The following TINAG variants were observed in gnomAD, a reference collection of about 807,000 sequenced individuals.
The protein encoded by TINAG is tubulointerstitial nephritis antigen.
Under a neutral mutation model 72.7 loss-of-function variants are expected in TINAG, and 83 were observed. That is an observed-to-expected ratio of 1.14 (90% CI 0.96 to 1.37). The LOEUF (loss-of-function observed/expected upper bound fraction) is 1.37, where lower values mean the gene tolerates loss of function less well. TINAG is among the 40% of genes most tolerant of loss of function. The pLI, the probability that TINAG is intolerant of heterozygous loss-of-function variation, is 0.00. For missense variants in TINAG, 685 were observed against 576.6 expected, an observed-to-expected ratio of 1.19 and a Z score of -1.93; for synonymous variants, 234 against 189.9, an observed-to-expected ratio of 1.23 and a Z score of -1.91.
At chr6:54,310,286 T>C (rs951687288) in intron 1 of TINAG, among the ~76,000 whole-genome samples, 2 of 152,066 alleles carry the variant, frequency 1.3e-5, no homozygotes, top group African/African-American at 4.8e-5. Context: ...GGTCTTGCTA[T>C]GTTGCCTAGG....
At chr6:54,360,240 T>C (rs960178638) in intron 9 of TINAG, among the ~76,000 whole-genome samples, 38 of 148,776 alleles carry the variant, frequency 2.6e-4, no homozygotes, top group African/African-American at 4.2e-4. Context: ...ATTTCCCCCC[T>C]CTCTCTTCCC....
At position 54,366,112 on chromosome 6, in the gene TINAG, T is replaced by A. The variant is rs374652146; in HGVS notation, c.1250+11476T>A. 2.0e-4 allele frequency among the ~76,000 whole-genome samples: 31 copies of A among 151,782 alleles called. No individual in the cohort carries two copies. In the East Asian group the frequency reaches 5.4e-3, roughly 27 times the overall value. On this transcript the variant is annotated intron_variant, in intron 9 of 10. Transcript: ENST00000259782. ...TCTCACGAAATACAACCCTCATACT[T>A]TTAAAATCCTCATGAGGTGGGAATT...
chr6:54,347,027 T>C (rs534667019), intron 5 of TINAG, among the ~76,000 whole-genome samples: 16 of 152,194 alleles, frequency 1.1e-4, no homozygotes, highest in Admixed American at 6.5e-4. Context: ...GAAATAGAAA[T>C]ATAAGGAACA....
chr6:54,365,330 A>G (rs906712007), intron 9 of TINAG: 1 of 151,614 alleles, frequency 6.6e-6, no homozygotes, highest in African/African-American at 2.4e-5. Context: ...AGCCACTACC[A>G]CAAATAGACT....
At chr6:54,380,613 T>C in intron 10 of TINAG, 42 bp downstream of exon 10, 1 of 1,521,722 alleles carries the variant, frequency 6.6e-7, no homozygotes, top group Non-Finnish European at 9.1e-7. Context: ...GTGAAGTGAA[T>C]ATGTTCAAAT....
chr6:54,322,774 A>T (rs182612813), intron 3 of TINAG, among the ~76,000 whole-genome samples: 39 of 152,338 alleles, frequency 2.6e-4, no homozygotes, highest in Non-Finnish European at 7.3e-5. Flanking sequence ...ATTTTAGAAG[A>T]TAACTTGATG....
intron 9 of TINAG, among the ~76,000 whole-genome samples, chr6:54,369,158 G>A (rs1763528702): frequency 6.6e-6 from 1 of 151,856 alleles, no homozygotes; most frequent in Non-Finnish European, 1.5e-5. Context: ...TGTAAGGCTG[G>A]TGTTTGAAAA....
At chr6:54,309,413 C>T (rs765579753) in intron 1 of TINAG, among the ~76,000 whole-genome samples, 25 of 152,144 alleles carry the variant, frequency 1.6e-4, no homozygotes, top group Non-Finnish European at 2.8e-4. Flanking sequence ...TAAAGTCAGT[C>T]ACCCGCTCTG....
chr6:54,329,589 A>G (rs558509473), intron 4 of TINAG, among the ~76,000 whole-genome samples: 3 of 152,198 alleles, frequency 2.0e-5, no homozygotes, highest in Non-Finnish European at 4.4e-5. Flanking sequence ...AACAGCTAGC[A>G]TAATAATGTC....
chr6:54,321,549 CATT>C (rs1784491601), intron 3 of TINAG, among the ~76,000 whole-genome samples, 163 bp downstream of exon 3: 1 of 152,058 alleles, frequency 6.6e-6, no homozygotes, highest in African/African-American at 2.4e-5. Flanking sequence ...CAAAGGTAAA[CATT>C]AAATAATTAA....
intron 4 of TINAG, among the ~76,000 whole-genome samples, chr6:54,341,374 T>C (rs1301283992): frequency 6.6e-6 from 1 of 152,152 alleles, no homozygotes; most frequent in Non-Finnish European, 1.5e-5. Context: ...CCATCTAATG[T>C]CATCAAAACC....
chr6:54,362,655 G>T (rs1763274808), intron 9 of TINAG, among the ~76,000 whole-genome samples: 1 of 151,496 alleles, frequency 6.6e-6, no homozygotes, highest in Non-Finnish European at 1.5e-5. Context: ...ACTCAAAAAT[G>T]CATCTCATAA....
intron 2 of TINAG, among the ~76,000 whole-genome samples, chr6:54,321,042 A>C (rs1244227912): frequency 6.6e-6 from 1 of 152,150 alleles, no homozygotes; most frequent in African/African-American, 2.4e-5. Flanking sequence ...TCTACTGTCC[A>C]ATTTGGCTTG....
At chr6:54,385,443 C>A (rs1764070937) in intron 10 of TINAG, among the ~76,000 whole-genome samples, 1 of 149,878 alleles carries the variant, frequency 6.7e-6, no homozygotes, top group African/African-American at 2.5e-5. Flanking sequence ...AAAACCTACA[C>A]AGGATGAAAA....
chr6:54,378,187 T>C (rs1162068367), intron 9 of TINAG, among the ~76,000 whole-genome samples: 2 of 152,178 alleles, frequency 1.3e-5, no homozygotes, highest in East Asian at 3.9e-4. Context: ...ATGTGTGATA[T>C]TTTCTTTTCA....
chr6:54,378,367 C>T (rs575251765), intron 9 of TINAG, among the ~76,000 whole-genome samples: 5 of 152,108 alleles, frequency 3.3e-5, no homozygotes, highest in South Asian at 2.1e-4. Context: ...TGTAACAATC[C>T]GAATGCTGCT....
chr6:54,336,579 T>C (rs1208597182), intron 4 of TINAG, among the ~76,000 whole-genome samples: 1 of 152,124 alleles, frequency 6.6e-6, no homozygotes, highest in African/African-American at 2.4e-5. Flanking sequence ...TTATAAATAT[T>C]AAAAATATTT....
chr6:54,339,152 T>G (rs1158709646), intron 4 of TINAG, among the ~76,000 whole-genome samples: 2 of 152,160 alleles, frequency 1.3e-5, no homozygotes, highest in Non-Finnish European at 2.9e-5. Context: ...TTAATGGCAA[T>G]TGTGTGTGCT....
At chr6:54,375,982 A>T (rs549121580) in intron 9 of TINAG, among the ~76,000 whole-genome samples, 1 of 152,202 alleles carries the variant, frequency 6.6e-6, no homozygotes, top group South Asian at 2.1e-4. Flanking sequence ...GCCTAACTTC[A>T]TTCTCCACCA....
Sources: gnomAD v4.1 joint callset for allele counts (sites outside exome capture counted in the v4.1 genomes callset) on GRCh38, gnomAD v4.1.1 for gene constraint, MANE v1.5 for transcripts, NCBI Gene and HGNC (gene_info 2026-07-23, HGNC 2026-07-21) for gene names.